Variants in L3MBTL3 observed in about 807,000 individuals in gnomAD.
L3MBTL3 encodes the protein lethal(3)malignant brain tumor-like protein 3.
Under a neutral mutation model 102.3 loss-of-function variants are expected in L3MBTL3, and 27 were observed. That is an observed-to-expected ratio of 0.26 (90% CI 0.19 to 0.36). The LOEUF is 0.36. Among genes scored for constraint, L3MBTL3 ranks in the 10% least tolerant of loss-of-function variants. The probability of loss-of-function intolerance (pLI) is 1.00; values close to 1 mark genes in which losing one functional copy is unlikely to be tolerated. For missense variants in L3MBTL3, 798 were observed against 955.3 expected (o/e 0.84, Z 2.17); for synonymous variants, 340 against 320.9 (o/e 1.06, Z -0.64).
chr6:130,127,357 TTC>T (rs944913078), intron 20 of L3MBTL3, among the ~76,000 whole-genome samples: 78 of 152,308 alleles, frequency 5.1e-4, no homozygotes, highest in African/African-American at 1.8e-3. Context: ...GAGACCTTGC[TTC>T]TGAGGCTTAC....
intron 15 of L3MBTL3, among the ~76,000 whole-genome samples, chr6:130,085,744 C>T (rs1174689260): frequency 2.6e-5 from 4 of 151,870 alleles, no homozygotes; most frequent in African/African-American, 9.7e-5. Flanking sequence ...TCTAAATAGC[C>T]CAGCTATTTC....
intron 14 of L3MBTL3, among the ~76,000 whole-genome samples, chr6:130,083,017 C>A (rs895539448): frequency 1.3e-5 from 2 of 152,070 alleles, no homozygotes; most frequent in Non-Finnish European, 2.9e-5. Flanking sequence ...CCTGCTCATG[C>A]CTACCTAATG....
chr6:130,031,008 C>G (rs941811482), intron 2 of L3MBTL3, among the ~76,000 whole-genome samples: 1 of 152,172 alleles, frequency 6.6e-6, no homozygotes, highest in African/African-American at 2.4e-5. Flanking sequence ...ATGATTACCC[C>G]ATGTGACCTT....
At chr6:130,058,113 G>T (rs1781637296) in intron 9 of L3MBTL3, among the ~76,000 whole-genome samples, 2 of 135,108 alleles carry the variant, frequency 1.5e-5, no homozygotes, top group Admixed American at 1.5e-4. Flanking sequence ...ATTGCAGTCC[G>T]CAGTCCGGCC....
At chr6:130,081,661 G>A (rs1783363155) in intron 14 of L3MBTL3, among the ~76,000 whole-genome samples, 1 of 151,268 alleles carries the variant, frequency 6.6e-6, no homozygotes, top group South Asian at 2.1e-4. Flanking sequence ...TCCTGACCTC[G>A]TGATCCACCT....
chr6:130,026,851 A>G (rs1011861220), intron 2 of L3MBTL3, among the ~76,000 whole-genome samples: 1 of 152,190 alleles, frequency 6.6e-6, no homozygotes, highest in Non-Finnish European at 1.5e-5. Context: ...TGCATCTACC[A>G]AGGCAGGCTC....
chr6:130,042,238 G>A (rs1780466542), intron 2 of L3MBTL3, among the ~76,000 whole-genome samples: 3 of 152,058 alleles, frequency 2.0e-5, no homozygotes, highest in African/African-American at 7.2e-5. Flanking sequence ...ATGGGTATTT[G>A]CTGTACATTT....
At position 130,078,710 on chromosome 6, in the gene L3MBTL3, A is replaced by G. The variant is rs1783116466; in HGVS notation, c.1321+76A>G. ...GCAGACTTTTTCTGTAAAGGGCCAGATAGTAAATATTTTGGCTTTGCAGAC... is the reference window on the plus strand; with the variant it reads ...GCAGACTTTTTCTGTAAAGGGCCAGGTAGTAAATATTTTGGCTTTGCAGAC... On this transcript the variant is annotated intron_variant, in intron 14 of 22. Transcript: ENST00000361794. 3.1e-6 allele frequency: 3 copies of G among 980,240 alleles called. No individual in the cohort carries two copies. In the Admixed American group the frequency reaches 6.5e-5, roughly 21 times the overall value. The allele number at this position is 980,240 out of a possible 1,614,324, so 60.7% of individuals were successfully genotyped here. A position where few individuals can be genotyped will look rare whatever the true frequency, so the allele number is the denominator to read the frequency against.
chr6:130,073,986 T>C (rs982572387), intron 13 of L3MBTL3, among the ~76,000 whole-genome samples: 2 of 152,178 alleles, frequency 1.3e-5, no homozygotes, highest in African/African-American at 4.8e-5. Context: ...GCAATGGAAA[T>C]TGTTTAAGTG....
chr6:130,133,551 A>T lies in L3MBTL3; in HGVS notation c.2066A>T (p.Gln689Leu). Residue 689 changes from glutamine to leucine, a missense_variant, in exon 21 of 23, where the codon CAG becomes CTG. Gln to Leu is a moderately radical substitution (Grantham distance 113). Around this residue, in one of 4 missense-constraint regions of L3MBTL3, gnomAD observed 306 missense variants for 314.4 expected, o/e 0.97. Transcript: ENST00000361794. This position sits in a 1 kb window ranked among gnomAD's most constrained non-coding sequence, Gnocchi z 4.9. ...PIPCLPLRWEQQSKLLPTVAG... is the reference protein window; with the variant it reads ...PIPCLPLRWELQSKLLPTVAG... Reference sequence around the variant, plus strand: ...CCATGTCTGCCCTTGCGCTGGGAGCAGCAAAGCAAACTTCTTCCAACTGTC... The same window carrying T: ...CCATGTCTGCCCTTGCGCTGGGAGCTGCAAAGCAAACTTCTTCCAACTGTC... 6.2e-7 allele frequency: 1 copy of T among 1,614,130 alleles called. No individual in the cohort carries two copies. The highest frequency in any genetic ancestry group is 1.3e-5 in the African/African-American group (1 of 75,064).
At chr6:130,118,432 T>C (rs1785883786) in intron 19 of L3MBTL3, among the ~76,000 whole-genome samples, 1 of 152,200 alleles carries the variant, frequency 6.6e-6, no homozygotes, top group African/African-American at 2.4e-5. Context: ...TCGATTAAGA[T>C]TCTGCTCGCT....
At chr6:130,090,424 A>G (rs992979869) in intron 16 of L3MBTL3, among the ~76,000 whole-genome samples, 30 of 152,196 alleles carry the variant, frequency 2.0e-4, no homozygotes, top group African/African-American at 7.2e-4. Context: ...CACTCTTGTC[A>G]GTGGTCTATG....
At chr6:130,051,730 CACTG>C (rs1432551051) in intron 6 of L3MBTL3, among the ~76,000 whole-genome samples, 1 of 152,204 alleles carries the variant, frequency 6.6e-6, no homozygotes, top group Non-Finnish European at 1.5e-5. Flanking sequence ...ATTTCGATGA[CACTG>C]ACATTTATAG....
intron 19 of L3MBTL3, among the ~76,000 whole-genome samples, chr6:130,113,646 G>T (rs1311643722): frequency 1.3e-5 from 2 of 152,200 alleles, no homozygotes; most frequent in Non-Finnish European, 2.9e-5. Context: ...AGTCTGTTCA[G>T]TTCATTATAG....
intron 2 of L3MBTL3, among the ~76,000 whole-genome samples, chr6:130,031,912 T>C (rs969854837): frequency 1.3e-5 from 2 of 151,992 alleles, no homozygotes; most frequent in Non-Finnish European, 2.9e-5. Context: ...AAATAACATA[T>C]CTACTTTTCT....
At position 130,133,303 on chromosome 6, in the gene L3MBTL3, A is replaced by C. The variant is rs1276049567; in HGVS notation, c.1967-149A>C. ...TTTTATAGTGACCTTCAGTAAAGAC[A>C]AAGAAGAGCCTATTCAATAGTATAA... is the stretch of plus-strand genomic sequence containing the variant. On this transcript the variant is annotated intron_variant, in intron 20 of 22. Coordinates refer to ENST00000361794, the MANE Select transcript of L3MBTL3 (RefSeq NM_032438.4). The surrounding 1 kb of genome is among the most constrained non-coding windows in gnomAD (Gnocchi z 4.9). 1 of 671,718 alleles carries C rather than the reference A, an allele frequency of 1.5e-6. No individual in the cohort carries two copies. The highest frequency in any genetic ancestry group is 2.7e-5 in the East Asian group (1 of 36,930). The allele number at this position is 671,718 out of a possible 1,614,324, so 41.6% of individuals were successfully genotyped here. A position where few individuals can be genotyped will look rare whatever the true frequency, so the allele number is the denominator to read the frequency against.
chr6:130,126,065 TTCCCTCCCTCGC>T (rs1786581010), intron 20 of L3MBTL3, among the ~76,000 whole-genome samples: 2 of 151,544 alleles, frequency 1.3e-5, no homozygotes, highest in African/African-American at 4.9e-5. Flanking sequence ...AACTCAATAC[TTCCCTCCCTCGC>T]TCCCTCCCTC....
chr6:130,061,226 A>G (rs1781882655), intron 10 of L3MBTL3, among the ~76,000 whole-genome samples: 1 of 151,924 alleles, frequency 6.6e-6, no homozygotes, highest in South Asian at 2.1e-4. Context: ...CTAGGACTAC[A>G]GGCGCGTGCC....
Position 130,055,649 on chromosome 6 carries a change from TCTCC to T in L3MBTL3, c.667+406_667+409del, listed in dbSNP as rs1297798610. ...CTCCCTCCCTCCCTCCCTCCCTCTC[TCTCC>T]CTCCCTCCCTCTCTCTCCCTCCCTC... On this transcript the variant is annotated intron_variant, in intron 8 of 22. Coordinates refer to ENST00000361794, the MANE Select transcript of L3MBTL3 (RefSeq NM_032438.4). Among the ~76,000 whole-genome samples the T allele has an allele frequency of 2.7e-4, 6 of 22,106 alleles. 1 individual carries two copies. Among genetic ancestry groups the T allele is most frequent in the Non-Finnish European group, 9.7e-4 (5 of 5,136 alleles). 14.5% of individuals were successfully genotyped at this position (22,106 alleles called of 152,430 possible). A position where few individuals can be genotyped will look rare whatever the true frequency, so the allele number is the denominator to read the frequency against.
Sources: gnomAD v4.1 joint callset for allele counts (sites outside exome capture counted in the v4.1 genomes callset) on GRCh38, gnomAD v4.1.1 for gene constraint, gnomAD v4.1.1 regional missense constraint, Gnocchi (gnomAD v3.1) non-coding constraint, MANE v1.5 for transcripts, NCBI Gene and HGNC (gene_info 2026-07-23, HGNC 2026-07-21) for gene names.